The following TSPAN15 variants were observed in gnomAD, a reference collection of about 807,000 sequenced individuals.
TSPAN15 encodes tetraspanin 15, also known as tetraspanin-15.
TSPAN15 carries 20 observed loss-of-function variants against 34.5 expected under a neutral mutation model. The ratio of observed to expected loss-of-function variants is 0.58; its 90% CI spans 0.41 to 0.84. The LOEUF (loss-of-function observed/expected upper bound fraction) is 0.84. TSPAN15 is among the 40% of genes least tolerant of loss of function. The pLI is 0.00. For missense variants in TSPAN15, 313 were observed against 386.1 expected (o/e 0.81, Z 1.59); for synonymous variants, 155 against 153.9 (o/e 1.01, Z -0.05).
the TSPAN15 span, among the ~76,000 whole-genome samples, chr10:69,522,165 A>G: frequency 2.0e-5 from 3 of 146,790 alleles, no homozygotes; most frequent in African/African-American, 5.0e-5. Context: ...GTTTGAAACC[A>G]GCTGGACAAA....
At chr10:69,520,688 C>T in the TSPAN15 span, among the ~76,000 whole-genome samples, 1 of 152,196 alleles carries the variant, frequency 6.6e-6, no homozygotes, top group Non-Finnish European at 1.5e-5. Context: ...CCATTGTATG[C>T]ATATACCACA....
Position 69,503,243 on chromosome 10 carries a change from A to T in TSPAN15, c.571-1195A>T, listed in dbSNP as rs183193059. On this transcript the variant is annotated intron_variant, in intron 5 of 7. Transcript: ENST00000373290. ...TCTTGCCTGCACATCAAGCCCTGAC[A>T]TTTAGAATGACCTAGATGACATCTG... Among the ~76,000 whole-genome samples the T allele has an allele frequency of 2.1e-4, 32 of 152,278 alleles. No individual in the cohort carries two copies. In the East Asian group the frequency reaches 5.8e-3, roughly 28 times the overall value.
chr10:69,459,928 C>T (rs547218915), intron 1 of TSPAN15, among the ~76,000 whole-genome samples: 1 of 133,996 alleles, frequency 7.5e-6, no homozygotes, highest in South Asian at 2.5e-4. Context: ...GCACCCCCCC[C>T]CCACGAATGG....
chr10:69,493,354 T>C (rs1014203309), intron 3 of TSPAN15, among the ~76,000 whole-genome samples: 17 of 152,220 alleles, frequency 1.1e-4, no homozygotes, highest in Admixed American at 1.3e-4. Context: ...TCTCCTCTCT[T>C]CTCTTGGGGC....
the TSPAN15 span, among the ~76,000 whole-genome samples, chr10:69,530,966 T>C: frequency 7.0e-6 from 1 of 143,734 alleles, no homozygotes; most frequent in Admixed American, 7.4e-5. Context: ...ATGCTAAAAA[T>C]ACTACTTATA....
intron 1 of TSPAN15, among the ~76,000 whole-genome samples, chr10:69,461,929 C>G (rs1037134835): frequency 1.3e-5 from 2 of 150,454 alleles, no homozygotes; most frequent in Admixed American, 1.3e-4. Flanking sequence ...GCCACCACCC[C>G]CCCCATCACC....
At chr10:69,498,071 T>C (rs997707602) in intron 4 of TSPAN15, among the ~76,000 whole-genome samples, 1 of 152,128 alleles carries the variant, frequency 6.6e-6, no homozygotes, top group African/African-American at 2.4e-5. Context: ...AGCCTTGGCT[T>C]CCATACCTCT....
chr10:69,538,996 A>T, the TSPAN15 span, among the ~76,000 whole-genome samples: 3 of 152,152 alleles, frequency 2.0e-5, no homozygotes, highest in African/African-American at 7.2e-5. Flanking sequence ...AGCCTTCAAT[A>T]TTGAAGGGAC....
the TSPAN15 span, among the ~76,000 whole-genome samples, chr10:69,544,797 C>T: frequency 6.6e-6 from 1 of 152,126 alleles, no homozygotes; most frequent in Non-Finnish European, 1.5e-5. Context: ...TGTCCAGTCT[C>T]CCGCTCTCCC....
chr10:69,473,990 A>G (rs1841560538), intron 1 of TSPAN15, among the ~76,000 whole-genome samples: 1 of 152,214 alleles, frequency 6.6e-6, no homozygotes, highest in Non-Finnish European at 1.5e-5. Flanking sequence ...ATCTAACATT[A>G]AAAACAAGAT....
rs1452963438 is a variant in TSPAN15 at position 69,477,727 on chromosome 10, T to TC, written c.97-5958dup. On this transcript the variant is annotated intron_variant, in intron 1 of 7. Transcript: ENST00000373290. Reference sequence around the variant, plus strand: ...TTTGCAAAGGTGTTTCACACCCCTTTCCCCCCAGTTCTTCATAAAAGGCCC... The same window carrying TC: ...TTTGCAAAGGTGTTTCACACCCCTTTCCCCCCCAGTTCTTCATAAAAGGCCC... Among the ~76,000 whole-genome samples, 14 of 152,230 alleles carry TC rather than the reference T, an allele frequency of 9.2e-5. 1 individual carries two copies. The South Asian group carries it at 2.5e-3, about 27-fold the overall frequency.
chr10:69,540,858 C>T, the TSPAN15 span, among the ~76,000 whole-genome samples: 2 of 152,082 alleles, frequency 1.3e-5, no homozygotes, highest in East Asian at 3.9e-4. Context: ...TGAGGGAGGT[C>T]AATGGGGATG....
intron 5 of TSPAN15, among the ~76,000 whole-genome samples, chr10:69,503,941 C>T (rs1842265340): frequency 6.6e-6 from 1 of 152,212 alleles, no homozygotes; most frequent in Non-Finnish European, 1.5e-5. Context: ...TGGCAGCACT[C>T]TCCGCTGGTG....
At chr10:69,478,992 A>C (rs1841674396) in intron 1 of TSPAN15, among the ~76,000 whole-genome samples, 1 of 152,204 alleles carries the variant, frequency 6.6e-6, no homozygotes, top group African/African-American at 2.4e-5. Flanking sequence ...GAGGTAAACA[A>C]AAGTAAAGAT....
intron 5 of TSPAN15, among the ~76,000 whole-genome samples, chr10:69,503,744 G>A (rs1175622357): frequency 6.6e-6 from 1 of 152,210 alleles, no homozygotes; most frequent in Non-Finnish European, 1.5e-5. Flanking sequence ...CTCTTCCCTG[G>A]TGGTTGGAGA....
rs754050345 is a variant in TSPAN15 at position 69,485,179 on chromosome 10, C to A, written c.321C>A (p.Leu107=). Residue 107 remains leucine (L), a synonymous_variant, in exon 3 of 8, where the codon CTC becomes CTA. Transcript: ENST00000373290. ...TTGGGATCTGCCTCATCATGGAGCT[C>A]ATTGGTGGCGTGGTGGCCTTGACCT... The part of the protein sequence containing the change: ...YILGICLIME[L]IGGVVALTFR... 1.9e-6 allele frequency: 3 copies of A among 1,614,152 alleles called. No homozygotes were observed. In the South Asian group the frequency reaches 3.3e-5, roughly 18 times the overall value.
intron 5 of TSPAN15, among the ~76,000 whole-genome samples, chr10:69,499,073 C>T (rs887226489): frequency 6.6e-6 from 1 of 152,228 alleles, no homozygotes; most frequent in African/African-American, 2.4e-5. Context: ...GGGTCTGTCA[C>T]CTTGGTCATT....
At chr10:69,507,778 G>A, downstream of TSPAN15, 1 of 637,788 alleles carries the variant, frequency 1.6e-6, no homozygotes, top group South Asian at 1.9e-5. Context: ...ATGGGGTGAA[G>A]ATTTGGCATA....
Position 69,455,632 on chromosome 10 carries a change from C to T in TSPAN15, c.96+3942C>T, listed in dbSNP as rs112974344. On this transcript the variant is annotated intron_variant, in intron 1 of 7. Transcript: ENST00000373290. The stretch of plus-strand genomic sequence containing the variant: ...TCTCTCTCTCTCTCTCTCTCCCCCC[C>T]CCGTCTCTTTCTTTCTTCCTTTCTT... Among the ~76,000 whole-genome samples the T allele has an allele frequency of 2.9e-5, 4 of 136,576 alleles. No homozygotes were observed. In the East Asian group the frequency reaches 6.2e-4, roughly 21 times the overall value. The allele number at this position is 136,576 out of a possible 152,430, so 89.6% of individuals were successfully genotyped here.
Sources: allele counts gnomAD v4.1 joint callset (sites outside exome capture counted in the v4.1 genomes callset), GRCh38; gene constraint gnomAD v4.1.1; transcripts MANE v1.5; gene names NCBI Gene and HGNC (gene_info 2026-07-23, HGNC 2026-07-21).